Variants in ATP13A1 observed in about 807,000 individuals in gnomAD.
ATP13A1 encodes endoplasmic reticulum transmembrane helix translocase.
ATP13A1 carries 55 observed loss-of-function variants against 134.8 expected under a neutral mutation model. That is an observed-to-expected ratio of 0.41 (90% CI 0.33 to 0.51). The LOEUF is 0.51. ATP13A1 is among the 20% of genes least tolerant of loss of function. ATP13A1 has a pLI of 0.29. For synonymous variants in ATP13A1, 775 were observed against 725.1 expected (o/e 1.07, Z -1.10); for missense variants, 1,389 against 1,652.8 (o/e 0.84, Z 2.77).
intron 1 of ATP13A1, among the ~76,000 whole-genome samples, chr19:19,662,522 C>G (rs79609195): frequency 1.3e-5 from 2 of 152,078 alleles, no homozygotes; most frequent in Non-Finnish European, 2.9e-5. Flanking sequence ...CAGAGAGAGA[C>G]GACACAGTCA....
rs1750843450 is a variant in ATP13A1 at position 19,645,810 on chromosome 19, AT to A, written c.3361-21del. 1 of 785,500 alleles carries A rather than the reference AT, an allele frequency of 1.3e-6. No homozygotes were observed. Among genetic ancestry groups the A allele is most frequent in the East Asian group, 5.6e-5 (1 of 18,010 alleles). The allele number at this position is 785,500 out of a possible 1,614,324, so 48.7% of individuals were successfully genotyped here. A position where few individuals can be genotyped will look rare whatever the true frequency, so the allele number is the denominator to read the frequency against. The stretch of plus-strand genomic sequence containing the variant: ...CGGGCCCTGTGGGGATGAGGGACAG[AT>A]GGCTTCATGGGGTGGGGCTGGGTGG... On this transcript the variant is annotated intron_variant, in intron 24 of 25. Transcript: ENST00000357324. This position sits in a 1 kb window ranked among gnomAD's most constrained non-coding sequence, Gnocchi z 4.1.
At position 19,655,772 on chromosome 19, in the gene ATP13A1, G is replaced by T; in HGVS notation, c.1269+106C>A. ...CACCCTGGCCCAGGTCCAGGGCCGT[G>T]CTGCCAGAGTCAGCCCGTGGGGCAG... On this transcript the variant is annotated intron_variant, in intron 9 of 25. Coordinates refer to ENST00000357324, the MANE Select transcript of ATP13A1 (RefSeq NM_020410.3). This position sits in a 1 kb window ranked among gnomAD's most constrained non-coding sequence, Gnocchi z 5.7. The T allele has an allele frequency of 1.3e-6, 2 of 1,535,002 alleles. No homozygotes were observed. Among genetic ancestry groups the T allele is most frequent in the African/African-American group, 1.4e-5 (1 of 73,062 alleles).
chr19:19,662,834 G>T (rs147075877), intron 1 of ATP13A1, among the ~76,000 whole-genome samples: 14 of 152,304 alleles, frequency 9.2e-5, no homozygotes, highest in Non-Finnish European at 2.1e-4. Context: ...AAGCTTCATA[G>T]ATGGGGGAAA....
Position 19,647,022 on chromosome 19 carries a change from CTG to C in ATP13A1, c.3105+105_3105+106del. 1 of 1,259,368 alleles carries C rather than the reference CTG, an allele frequency of 7.9e-7. No homozygotes were observed. The highest frequency in any genetic ancestry group is 1.1e-6 in the Non-Finnish European group (1 of 920,400). 78.0% of individuals were successfully genotyped at this position (1,259,368 alleles called of 1,614,324 possible). On this transcript the variant is annotated intron_variant, in intron 22 of 25. Coordinates refer to ENST00000357324, the MANE Select transcript of ATP13A1 (RefSeq NM_020410.3). This position sits in a 1 kb window ranked among gnomAD's most constrained non-coding sequence, Gnocchi z 4.8. ...GCCATCCCAGCTACAGCCCCCATCT[CTG>C]GGGCCCTGGGTCCTGTAACTTGGGG... is the stretch of plus-strand genomic sequence containing the variant.
Position 19,663,632 on chromosome 19 carries a change from G to A in ATP13A1, c.35C>T (p.Pro12Leu), listed in dbSNP as rs1402006976. 5.3e-6 allele frequency: 7 copies of A among 1,326,380 alleles called. No individual in the cohort carries two copies. Among genetic ancestry groups the A allele is most frequent in the Non-Finnish European group, 5.8e-6 (6 of 1,041,960 alleles). The allele number at this position is 1,326,380 out of a possible 1,614,324, so 82.2% of individuals were successfully genotyped here. A position where few individuals can be genotyped will look rare whatever the true frequency, so the allele number is the denominator to read the frequency against. ...GACCCCGCAAGGCCGGGCCCCGCAG[G>A]GCACCGCGTTGCCCACCGCCGCCGC... ...AAAAAVGNAV[P>L]CGARPCGVRP... Residue 12 changes from proline to leucine, a missense_variant, in exon 1 of 26, where the codon CCC (proline) becomes CTC (leucine). Physicochemically the swap from Pro to Leu is moderately conservative, Grantham distance 98 (BLOSUM62 -3). This residue lies in a region of ATP13A1 where 293 missense variants were observed against 270.8 expected (regional missense o/e 1.08). Transcript: ENST00000357324.
At position 19,655,554 on chromosome 19, in the gene ATP13A1, G is replaced by C; in HGVS notation, c.1370C>G (p.Ala457Gly). 6.2e-7 allele frequency: 1 copy of C among 1,614,022 alleles called. No homozygotes were observed. The highest frequency in any genetic ancestry group is 8.5e-7 in the Non-Finnish European group (1 of 1,179,894). Residue 457 changes from alanine to glycine, a missense_variant, in exon 10 of 26, where the codon GCT (alanine) becomes GGT (glycine). By Grantham distance (60) the Ala-to-Gly change is moderately conservative. Coordinates refer to ENST00000357324, the MANE Select transcript of ATP13A1 (RefSeq NM_020410.3). The surrounding 1 kb of genome is among the most constrained non-coding windows in gnomAD (Gnocchi z 5.7). ...TTCAATCCATACATAGGCAGCTGCA[G>C]CGATGGCAAACACCAGGAGGAAGAG... ...FILFLLVFAI[A>G]AAAYVWIEGT...
At chr19:19,663,091 C>G in intron 1 of ATP13A1, 180 bp downstream of exon 1, 1 of 891,742 alleles carries the variant, frequency 1.1e-6, no homozygotes, top group Non-Finnish European at 1.8e-6. Flanking sequence ...CAGGCATGCA[C>G]AGCAAGTCAG....
chr19:19,655,369 G>C lies in ATP13A1; in HGVS notation c.1481C>G (p.Pro494Arg). ...ILTSVVPPEL[P>R]IELSLAVNTS... The stretch of plus-strand genomic sequence containing the variant: ...GTTGACGGCCAGGGACAGCTCGATG[G>C]GCAGCTCAGGAGGCACGACCGAGGT... Residue 494 changes from proline to arginine, a missense_variant, in exon 11 of 26, where the codon CCC becomes CGC. Pro to Arg is a moderately radical substitution (Grantham distance 103). This residue lies in a region of ATP13A1 where 747 missense variants were observed against 956.1 expected (regional missense o/e 0.78). Coordinates refer to ENST00000357324, the MANE Select transcript of ATP13A1 (RefSeq NM_020410.3). The surrounding 1 kb of genome is among the most constrained non-coding windows in gnomAD (Gnocchi z 5.7). 2 of 1,613,984 alleles carry C rather than the reference G, an allele frequency of 1.2e-6. No homozygotes were observed. Among genetic ancestry groups the C allele is most frequent in the Non-Finnish European group, 8.5e-7 (1 of 1,179,890 alleles).
chr19:19,650,124 G>C (rs2062014877), intron 17 of ATP13A1, 184 bp from the exon 18 acceptor site: 1 of 616,764 alleles, frequency 1.6e-6, no homozygotes, highest in Non-Finnish European at 2.8e-6. Flanking sequence ...AGGTGCACAG[G>C]GTGGAACCAA....
chr19:19,653,933 G>GC lies in ATP13A1; in HGVS notation c.1989+35dup. 1 of 1,573,646 alleles carries GC rather than the reference G, an allele frequency of 6.4e-7. No homozygotes were observed. The highest frequency in any genetic ancestry group is 8.6e-7 in the Non-Finnish European group (1 of 1,160,332). On this transcript the variant is annotated intron_variant, in intron 14 of 25. Transcript: ENST00000357324. This position sits in a 1 kb window ranked among gnomAD's most constrained non-coding sequence, Gnocchi z 4.2. ...AGGGGGATGTCACGGGCTGCCCCGC[G>GC]CCCCCACCCCTTGCCCCAGGCTGGG...
intron 16 of ATP13A1, 42 bp from the exon 17 acceptor site, chr19:19,651,839 G>T: frequency 1.3e-6 from 2 of 1,507,580 alleles, no homozygotes; most frequent in Non-Finnish European, 1.8e-6. Context: ...GCACCCTGGG[G>T]CCAAGCTCTA....
In ATP13A1 at chr19:19,656,675, G is replaced by A. The variant is rs61756675; in HGVS notation, c.1068C>T (p.Ser356=). 3,992 of 1,613,490 alleles carry A rather than the reference G, an allele frequency of 2.5e-3. 96 individuals carry two copies. The African/African-American group carries it at 0.045, about 18-fold the overall frequency. The change falls in exon 7 of 26, where the codon TCC becomes TCT. Residue 356 remains serine, a synonymous_variant. Coordinates refer to ENST00000357324, the MANE Select transcript of ATP13A1 (RefSeq NM_020410.3). This position sits in a 1 kb window ranked among gnomAD's most constrained non-coding sequence, Gnocchi z 4.6. The part of the protein sequence containing the change: ...IVDEAMLTGE[S]VPQMKEPIED... ...CACCAAGTACCTTCATCTGTGGCAC[G>A]GACTCCCCCGTGAGCATGGCCTCGT...
At chr19:19,657,974 C>T (rs2062070125) in intron 3 of ATP13A1, among the ~76,000 whole-genome samples, 1 of 151,570 alleles carries the variant, frequency 6.6e-6, no homozygotes, top group Non-Finnish European at 1.5e-5. Context: ...CACAGCAAGA[C>T]CTTCTATTTA....
At chr19:19,660,972 G>A (rs1002658627) in intron 1 of ATP13A1, among the ~76,000 whole-genome samples, 2 of 151,552 alleles carry the variant, frequency 1.3e-5, no homozygotes, top group Non-Finnish European at 2.9e-5. Flanking sequence ...TCAGCTACTC[G>A]GGAGGCTGAG....
chr19:19,654,567 C>T lies in ATP13A1; in HGVS notation c.1789G>A (p.Ala597Thr). 1.2e-6 allele frequency: 2 copies of T among 1,611,824 alleles called. No individual in the cohort carries two copies. The highest frequency in any genetic ancestry group is 1.7e-6 in the Non-Finnish European group (2 of 1,179,324). The stretch of plus-strand genomic sequence containing the variant: ...CCTTTGGTCAGCGTCCAGTCCACGG[C>T]CGTCAGCATGGCCTTCTCTAGAGGG... ...GDPLEKAMLT[A>T]VDWTLTKDEK... Residue 597 changes from alanine (A) to threonine (T), a missense_variant, in exon 13 of 26, where the codon GCC becomes ACC. This residue lies in a region of ATP13A1 where 747 missense variants were observed against 956.1 expected (regional missense o/e 0.78). Coordinates refer to ENST00000357324, the MANE Select transcript of ATP13A1 (RefSeq NM_020410.3).
chr19:19,653,138 C>A lies in ATP13A1; in HGVS notation c.2101-418G>T. On this transcript the variant is annotated intron_variant, in intron 15 of 25. Transcript: ENST00000357324. The surrounding 1 kb of genome is among the most constrained non-coding windows in gnomAD (Gnocchi z 4.2). ...GGAGCTCACACTGCACCAGGGGAGA[C>A]GCATGATCAAGAAAGTCACAGAAAT... is the stretch of plus-strand genomic sequence containing the variant. The A allele has an allele frequency of 5.5e-6, 1 of 180,314 alleles. No homozygotes were observed. Among genetic ancestry groups the A allele is most frequent in the Non-Finnish European group, 1.2e-5 (1 of 85,062 alleles). The allele number at this position is 180,314 out of a possible 1,614,324, so 11.2% of individuals were successfully genotyped here. A position where few individuals can be genotyped will look rare whatever the true frequency, so the allele number is the denominator to read the frequency against.
chr19:19,660,240 G>C (rs1244490468), intron 1 of ATP13A1, among the ~76,000 whole-genome samples: 1 of 152,236 alleles, frequency 6.6e-6, no homozygotes, highest in Non-Finnish European at 1.5e-5. Context: ...CCAGCACTTT[G>C]GGAGGCCAAG....
At position 19,653,617 on chromosome 19, in the gene ATP13A1, G is replaced by A; in HGVS notation, c.2100+167C>T. The A allele has an allele frequency of 7.4e-6, 5 of 677,402 alleles. No homozygotes were observed. Among genetic ancestry groups the A allele is most frequent in the Non-Finnish European group, 1.2e-5 (5 of 404,298 alleles). The allele number at this position is 677,402 out of a possible 1,614,324, so 42.0% of individuals were successfully genotyped here. A position where few individuals can be genotyped will look rare whatever the true frequency, so the allele number is the denominator to read the frequency against. The stretch of plus-strand genomic sequence containing the variant: ...GGACTGGGTGGGTCCCCACAGCAGT[G>A]GACAGACTGAGTGCCATTTGGAGTC... On this transcript the variant is annotated intron_variant, in intron 15 of 25. Transcript: ENST00000357324. This position sits in a 1 kb window ranked among gnomAD's most constrained non-coding sequence, Gnocchi z 4.2.
intron 16 of ATP13A1, 23 bp from the exon 17 acceptor site, chr19:19,651,820 C>T: frequency 6.3e-7 from 1 of 1,581,832 alleles, no homozygotes; most frequent in Non-Finnish European, 8.7e-7. Context: ...GGGGCAGAGG[C>T]TCAGCATGGC....
Sources: gnomAD v4.1 joint callset for allele counts (sites outside exome capture counted in the v4.1 genomes callset) on GRCh38, gnomAD v4.1.1 for gene constraint, gnomAD v4.1.1 regional missense constraint, Gnocchi (gnomAD v3.1) non-coding constraint, MANE v1.5 for transcripts, NCBI Gene and HGNC (gene_info 2026-07-23, HGNC 2026-07-21) for gene names.